DPYD: variants seen among roughly 807,000 people sequenced by gnomAD.
DPYD encodes the protein dihydropyrimidine dehydrogenase [NADP(+)].
In DPYD, 109 loss-of-function variants were observed where a neutral mutation model predicts 116.2. That is an observed-to-expected ratio of 0.94 (90% confidence interval 0.80 to 1.10). The LOEUF (loss-of-function observed/expected upper bound fraction) is 1.10, where lower values mean the gene tolerates loss of function less well. Ranked by LOEUF, DPYD falls within the 50% of genes least tolerant of loss-of-function variation. The pLI is 0.00. For missense variants in DPYD, 1,302 were observed against 1,254.5 expected (o/e 1.04, Z -0.57); for synonymous variants, 440 against 432.0 (o/e 1.02, Z -0.23).
chr1:97,911,743 T>C (rs1040301262), intron 1 of DPYD, among the ~76,000 whole-genome samples: 41 of 152,190 alleles, frequency 2.7e-4, no homozygotes, highest in Admixed American at 3.3e-4. Flanking sequence ...GTGAGAAGGC[T>C]GGGATAATAT....
chr1:97,481,317 A>G (rs948663287), intron 13 of DPYD, among the ~76,000 whole-genome samples: 1 of 152,290 alleles, frequency 6.6e-6, no homozygotes, highest in South Asian at 2.1e-4. Flanking sequence ...TCGGAGGTAG[A>G]GGCAGGGAGG....
intron 3 of DPYD, among the ~76,000 whole-genome samples, chr1:97,779,190 A>G (rs1435376171): frequency 6.6e-6 from 1 of 152,138 alleles, no homozygotes; most frequent in Non-Finnish European, 1.5e-5. Flanking sequence ...AATCAGGCAT[A>G]TAACTGATTA....
Position 97,572,324 on chromosome 1 carries a change from G to GCA in DPYD, c.1339+1434_1339+1435dup, listed in dbSNP as rs369665098. Among the ~76,000 whole-genome samples, 5 of 151,534 alleles carry GCA rather than the reference G, an allele frequency of 3.3e-5. No individual in the cohort carries two copies. In the East Asian group the frequency reaches 9.7e-4, roughly 29 times the overall value. ...CATACACAAATACACATGCCTGCGC[G>GCA]CACACACACACAAGCACAAGCTTAT... On this transcript the variant is annotated intron_variant, in intron 11 of 22. Coordinates refer to ENST00000370192, the MANE Select transcript of DPYD (RefSeq NM_000110.4).
chr1:97,481,595 T>C (rs1678319905), intron 13 of DPYD, among the ~76,000 whole-genome samples: 1 of 152,144 alleles, frequency 6.6e-6, no homozygotes, highest in South Asian at 2.1e-4. Flanking sequence ...TACACAGCTA[T>C]TGAAAAAGTG....
At chr1:97,316,232 G>A (rs1438164149) in intron 16 of DPYD, among the ~76,000 whole-genome samples, 1 of 151,708 alleles carries the variant, frequency 6.6e-6, no homozygotes, top group African/African-American at 2.4e-5. Context: ...GCTCATGCCT[G>A]TAATCCCAGC....
intron 20 of DPYD, among the ~76,000 whole-genome samples, chr1:97,113,644 A>T (rs1243213928): frequency 6.6e-6 from 1 of 152,106 alleles, no homozygotes; most frequent in Non-Finnish European, 1.5e-5. Context: ...ATGTTGATAT[A>T]TTTGAATATC....
At chr1:97,870,413 A>G (rs1671597016) in intron 2 of DPYD, among the ~76,000 whole-genome samples, 1 of 151,818 alleles carries the variant, frequency 6.6e-6, no homozygotes, top group Admixed American at 6.6e-5. Context: ...AAAAATACAA[A>G]TATTTCAAAA....
At chr1:97,182,767 C>A (rs888680553) in intron 20 of DPYD, among the ~76,000 whole-genome samples, 1 of 151,958 alleles carries the variant, frequency 6.6e-6, no homozygotes, top group Non-Finnish European at 1.5e-5. Context: ...AAAAGTCCCC[C>A]AAAAATGTTA....
At chr1:97,648,401 C>G (rs1157779085) in intron 8 of DPYD, among the ~76,000 whole-genome samples, 8 of 151,940 alleles carry the variant, frequency 5.3e-5, no homozygotes, top group Non-Finnish European at 2.9e-5. Flanking sequence ...GTTTGTGGAT[C>G]ATCTCAATAG....
intron 14 of DPYD, among the ~76,000 whole-genome samples, chr1:97,422,081 G>T (rs1484312153): frequency 6.6e-6 from 1 of 152,112 alleles, no homozygotes; most frequent in East Asian, 1.9e-4. Context: ...CTCACCAATA[G>T]TTGAAAGTGA....
chr1:97,842,365 CAG>C (rs2101537933), intron 2 of DPYD, among the ~76,000 whole-genome samples: 1 of 151,950 alleles, frequency 6.6e-6, no homozygotes, highest in South Asian at 2.1e-4. Context: ...ATGTTAATTG[CAG>C]AGAGGAAAAT....
At chr1:97,191,187 TATAAAC>T (rs1191031341) in intron 20 of DPYD, among the ~76,000 whole-genome samples, 4 of 151,280 alleles carry the variant, frequency 2.6e-5, no homozygotes, top group African/African-American at 9.7e-5. Context: ...TAATAAAAAA[TATAAAC>T]ATAATAAAAA....
chr1:97,640,628 G>C (rs1657834494), intron 8 of DPYD, among the ~76,000 whole-genome samples: 1 of 152,050 alleles, frequency 6.6e-6, no homozygotes, highest in South Asian at 2.1e-4. Flanking sequence ...CTTTCTGTTA[G>C]ATTATTAGAG....
rs369127134 is a variant in DPYD at position 97,143,914 on chromosome 1, T to C, written c.2623-45282A>G. 1.1e-4 allele frequency among the ~76,000 whole-genome samples: 17 copies of C among 152,152 alleles called. No individual in the cohort carries two copies. The East Asian group carries it at 2.9e-3, about 26-fold the overall frequency. ...TGCTTTTATGTGTCATCAAGAAGAG[T>C]TGTTCACCAGCCAATGGTAACTGAC... On this transcript the variant is annotated intron_variant, in intron 20 of 22. Transcript: ENST00000370192.
At chr1:97,567,716 A>T (rs1429634758) in intron 11 of DPYD, among the ~76,000 whole-genome samples, 1 of 152,178 alleles carries the variant, frequency 6.6e-6, no homozygotes, top group Non-Finnish European at 1.5e-5. Flanking sequence ...TTGAAAATTC[A>T]AAAGTGCCTT....
At chr1:97,631,486 A>G (rs567990406) in intron 8 of DPYD, among the ~76,000 whole-genome samples, 5 of 152,068 alleles carry the variant, frequency 3.3e-5, no homozygotes, top group African/African-American at 4.8e-5. Context: ...TTTTGCAATC[A>G]TAAGTGCTTA....
chr1:97,229,562 A>G (rs1385570180), intron 19 of DPYD, among the ~76,000 whole-genome samples: 3 of 75,034 alleles, frequency 4.0e-5, no homozygotes, highest in African/African-American at 9.9e-5. Flanking sequence ...ATATATATAT[A>G]TATATATATA....
intron 2 of DPYD, among the ~76,000 whole-genome samples, chr1:97,846,516 G>A (rs983009572): frequency 1.3e-5 from 2 of 152,180 alleles, no homozygotes; most frequent in South Asian, 2.1e-4. Context: ...TAACCCCCAG[G>A]ATGTGATGCT....
intron 10 of DPYD, among the ~76,000 whole-genome samples, chr1:97,579,223 C>T (rs1653473105): frequency 1.3e-5 from 2 of 152,320 alleles, no homozygotes; most frequent in Middle Eastern, 3.4e-3. Context: ...AGACTGGTCA[C>T]AGCCCTACCT....
Sources: gnomAD v4.1 joint callset for allele counts (sites outside exome capture counted in the v4.1 genomes callset) on GRCh38, gnomAD v4.1.1 for gene constraint, MANE v1.5 for transcripts, NCBI Gene and HGNC (gene_info 2026-07-23, HGNC 2026-07-21) for gene names.